Variants in BIRC6 observed in about 807,000 individuals in gnomAD.
BIRC6 encodes dual E2 ubiquitin-conjugating enzyme/E3 ubiquitin-protein ligase BIRC6.
A neutral mutation model predicts 503.3 loss-of-function variants in BIRC6; 98 were observed. The observed-to-expected ratio is 0.19, with a 90% CI of 0.17 to 0.23. The LOEUF is 0.23. Among genes scored for constraint, BIRC6 ranks in the 10% least tolerant of loss-of-function variants. The probability of loss-of-function intolerance (pLI) is 1.00; values close to 1 mark genes in which losing one functional copy is unlikely to be tolerated. For synonymous variants in BIRC6, 2,240 were observed against 2,078.7 expected (o/e 1.08, Z -2.11); for missense variants, 5,360 against 5,806.0 (o/e 0.92, Z 2.50).
chr2:32,551,308 G>A (rs1000400454), intron 65 of BIRC6, among the ~76,000 whole-genome samples: 1 of 151,880 alleles, frequency 6.6e-6, no homozygotes, highest in Non-Finnish European at 1.5e-5. Flanking sequence ...TTTGAGACAG[G>A]GTTTCCCTCT....
chr2:32,481,361 G>T lies in BIRC6; in HGVS notation c.7450G>T (p.Asp2484Tyr). ...LSSLEKDKEI[D>Y]LELLQDLMEV... The stretch of plus-strand genomic sequence containing the variant: ...CTCTTTGGAAAAAGATAAAGAAATT[G>T]ACCTTGAGTTACTTCAGGATCTAAT... Residue 2484 changes from aspartate (D) to tyrosine (Y), a missense_variant, in exon 38 of 74, where the codon GAC (aspartate) becomes TAC (tyrosine). Coordinates refer to ENST00000421745, the MANE Select transcript of BIRC6 (RefSeq NM_016252.4). 6.2e-7 allele frequency: 1 copy of T among 1,610,480 alleles called. No homozygotes were observed. Among genetic ancestry groups the T allele is most frequent in the Non-Finnish European group, 8.5e-7 (1 of 1,177,952 alleles).
At chr2:32,430,416 T>C (rs879701318) in intron 11 of BIRC6, among the ~76,000 whole-genome samples, 1 of 152,216 alleles carries the variant, frequency 6.6e-6, no homozygotes, top group Admixed American at 6.5e-5. Context: ...ACCACATAGC[T>C]TTTGACTGTT....
chr2:32,397,645 C>T lies in BIRC6; in HGVS notation c.1034+2052C>T, dbSNP rs868825500. On this transcript the variant is annotated intron_variant, in intron 6 of 73. Transcript: ENST00000421745. ...ATATATATATGTATATATATACACA[C>T]ACACACACATATATGTGTATATATA... Among the ~76,000 whole-genome samples, 863 of 144,610 alleles carry T rather than the reference C, an allele frequency of 6.0e-3. 16 individuals carry two copies. Among genetic ancestry groups the T allele is most frequent in the African/African-American group, 0.021 (831 of 38,928 alleles). The allele number at this position is 144,610 out of a possible 152,430, so 94.9% of individuals were successfully genotyped here.
intron 10 of BIRC6, among the ~76,000 whole-genome samples, chr2:32,422,707 C>CT (rs774382381): frequency 6.6e-6 from 1 of 152,112 alleles, no homozygotes; most frequent in Non-Finnish European, 1.5e-5. Flanking sequence ...ATACCAAACT[C>CT]TAACTAGTTT....
chr2:32,518,564 C>T (rs2055313638), intron 56 of BIRC6, among the ~76,000 whole-genome samples, 167 bp downstream of exon 56: 1 of 152,178 alleles, frequency 6.6e-6, no homozygotes, highest in Non-Finnish European at 1.5e-5. Context: ...AGCGCTCTCC[C>T]TCATGCCTAG....
chr2:32,465,180 C>G lies in BIRC6; in HGVS notation c.5356+16C>G. On this transcript the variant is annotated intron_variant, in intron 26 of 73. Transcript: ENST00000421745. ...ATGCATTCAGGTAATCTTTTACTTT[C>G]TTAAATTTTTTTTTTTTTTTTTTTG... 4 of 932,578 alleles carry G rather than the reference C, an allele frequency of 4.3e-6. No individual in the cohort carries two copies. Among genetic ancestry groups the G allele is most frequent in the Non-Finnish European group, 5.7e-6 (4 of 704,014 alleles). 57.8% of individuals were successfully genotyped at this position (932,578 alleles called of 1,614,324 possible).
intron 23 of BIRC6, among the ~76,000 whole-genome samples, chr2:32,460,270 ATATTTTTT>A (rs1477111105): frequency 7.9e-4 from 19 of 24,192 alleles, no homozygotes; most frequent in Admixed American, 1.7e-3. Flanking sequence ...ATATATATAT[ATATTTTTT>A]TTTTTTTTTT....
At chr2:32,406,127 C>T (rs1213277830) in intron 8 of BIRC6, among the ~76,000 whole-genome samples, 1 of 152,170 alleles carries the variant, frequency 6.6e-6, no homozygotes, top group Non-Finnish European at 1.5e-5. Flanking sequence ...CATAGTGGCT[C>T]ATGCGTATAA....
chr2:32,358,344 GCGTAAACC>G lies in BIRC6; in HGVS notation c.325+859_325+866del, dbSNP rs146042628. 9.7e-3 allele frequency among the ~76,000 whole-genome samples: 1,473 copies of G among 152,328 alleles called. 24 individuals carry two copies. Among genetic ancestry groups the G allele is most frequent in the African/African-American group, 0.034 (1,401 of 41,576 alleles). ...CATTGGAGGAGAGCACTTCTGGGTG[GCGTAAACC>G]TTGGTCCAGGGACGGGACTTTCAGA... On this transcript the variant is annotated intron_variant, in intron 1 of 73. Coordinates refer to ENST00000421745, the MANE Select transcript of BIRC6 (RefSeq NM_016252.4).
intron 61 of BIRC6, among the ~76,000 whole-genome samples, chr2:32,533,366 G>C (rs1203954692): frequency 2.6e-5 from 4 of 152,186 alleles, no homozygotes. Flanking sequence ...CACACAAAGT[G>C]GTGAAAGTAC....
chr2:32,516,315 A>C (rs2055030862), intron 55 of BIRC6, among the ~76,000 whole-genome samples: 1 of 151,904 alleles, frequency 6.6e-6, no homozygotes, highest in African/African-American at 2.4e-5. Flanking sequence ...GGAGTTCAAG[A>C]CCAGTCTGGC....
intron 39 of BIRC6, among the ~76,000 whole-genome samples, chr2:32,485,059 T>C (rs2050839570): frequency 6.6e-6 from 1 of 152,234 alleles, no homozygotes; most frequent in African/African-American, 2.4e-5. Context: ...ATTAGTCACT[T>C]CTTAAAGGAG....
chr2:32,502,313 A>G (rs182172940), intron 47 of BIRC6, among the ~76,000 whole-genome samples: 3 of 152,128 alleles, frequency 2.0e-5, no homozygotes, highest in Non-Finnish European at 4.4e-5. Context: ...AAAATAGGTT[A>G]CAAAATTTTT....
intron 13 of BIRC6, among the ~76,000 whole-genome samples, chr2:32,434,599 G>A (rs2044485543): frequency 6.6e-6 from 1 of 152,152 alleles, no homozygotes; most frequent in South Asian, 2.1e-4. Flanking sequence ...TATAATCCCA[G>A]CATTTTGAGA....
At chr2:32,416,632 T>C (rs1393749439) in intron 10 of BIRC6, among the ~76,000 whole-genome samples, 6 of 152,168 alleles carry the variant, frequency 3.9e-5, no homozygotes. Context: ...AAACAATTTT[T>C]AGTTTTGCTA....
chr2:32,392,040 T>A lies in BIRC6; in HGVS notation c.841T>A (p.Ser281Thr), dbSNP rs773898677. The A allele has an allele frequency of 3.2e-6, 5 of 1,556,364 alleles. No homozygotes were observed. In the East Asian group the frequency reaches 1.1e-4, roughly 36 times the overall value. The change falls in exon 5 of 74, where the codon TCA (serine) becomes ACA (threonine). Residue 281 changes from serine to threonine, a missense_variant and splice_region_variant. By Grantham distance (58) the Ser-to-Thr change is moderately conservative. Around this residue, in one of 16 missense-constraint regions of BIRC6, gnomAD observed 92 missense variants for 176.7 expected, o/e 0.52. Coordinates refer to ENST00000421745, the MANE Select transcript of BIRC6 (RefSeq NM_016252.4). The part of the protein sequence containing the change: ...GVGPGRSVDR[S>T]LMYSEANRRE... ...TACATAAAGTATGTTTACTTTTAGA[T>A]CACTGATGTATAGTGAAGCTAACAG...
chr2:32,575,913 A>G (rs1573125668), intron 66 of BIRC6, among the ~76,000 whole-genome samples: 1 of 152,226 alleles, frequency 6.6e-6, no homozygotes. Flanking sequence ...TCATAGCTAT[A>G]GGTATGAAGT....
intron 65 of BIRC6, among the ~76,000 whole-genome samples, chr2:32,550,426 C>G (rs1424052640): frequency 6.6e-6 from 1 of 152,098 alleles, no homozygotes; most frequent in Non-Finnish European, 1.5e-5. Context: ...CAGACTCCTT[C>G]ATGGAAGTAT....
At chr2:32,609,479 G>A (rs1286399548) in intron 72 of BIRC6, among the ~76,000 whole-genome samples, 4 of 152,042 alleles carry the variant, frequency 2.6e-5, no homozygotes, top group African/African-American at 9.7e-5. Flanking sequence ...CTTAAATTGT[G>A]CTGGAAAGTT....
Sources: allele counts gnomAD v4.1 joint callset (sites outside exome capture counted in the v4.1 genomes callset), GRCh38; gene constraint gnomAD v4.1.1; regional missense constraint gnomAD v4.1.1; transcripts MANE v1.5; gene names NCBI Gene and HGNC (gene_info 2026-07-23, HGNC 2026-07-21).